IL21R: variants seen among roughly 807,000 people sequenced by gnomAD.
The protein encoded by IL21R is interleukin-21 receptor.
A neutral mutation model predicts 41.3 loss-of-function variants in IL21R; 14 were observed. The ratio of observed to expected loss-of-function variants is 0.34; its 90% CI spans 0.22 to 0.53. The LOEUF is 0.53. Among genes scored for constraint, IL21R ranks in the 20% least tolerant of loss-of-function variants. The pLI, the probability that IL21R is intolerant of heterozygous loss-of-function variation, is 0.94. For missense variants in IL21R, 588 were observed against 681.6 expected, an observed-to-expected ratio of 0.86 and a Z score of 1.53; for synonymous variants, 286 against 287.6, an observed-to-expected ratio of 0.99 and a Z score of 0.05.
intron 4 of IL21R, among the ~76,000 whole-genome samples, chr16:27,440,248 TAGAGAGAG>T (rs1217071764): frequency 3.3e-4 from 21 of 64,028 alleles, no homozygotes; most frequent in Non-Finnish European, 4.2e-4. Flanking sequence ...TATATATATA[TAGAGAGAG>T]AGAGAGAGAG....
intron 1 of IL21R, among the ~76,000 whole-genome samples, chr16:27,412,466 T>G (rs2141262288): frequency 1.3e-5 from 2 of 152,120 alleles, no homozygotes; most frequent in South Asian, 4.2e-4. Flanking sequence ...ATTTTGGCTA[T>G]TTAGGGTCCC....
intron 1 of IL21R, among the ~76,000 whole-genome samples, chr16:27,418,614 C>T (rs1416148523): frequency 6.6e-6 from 1 of 152,166 alleles, no homozygotes; most frequent in East Asian, 1.9e-4. Flanking sequence ...TCGTGATCTG[C>T]CCGCCTTGGC....
At chr16:27,435,908 G>A (rs2087261584) in intron 3 of IL21R, among the ~76,000 whole-genome samples, 1 of 152,108 alleles carries the variant, frequency 6.6e-6, no homozygotes, top group Non-Finnish European at 1.5e-5. Flanking sequence ...ATCTGGGATT[G>A]CATCCAGGTG....
At position 27,451,535 on chromosome 16, in the gene IL21R, C is replaced by A; in HGVS notation, c.*2252C>A. ...ACCAGCCTGGGCAACATAGCAAGGC[C>A]CCATCTCTACAAAAATTATTATTTT... is the stretch of plus-strand genomic sequence containing the variant. On this transcript the variant is annotated 3_prime_UTR_variant, in exon 9 of 9. Coordinates refer to ENST00000337929, the MANE Select transcript of IL21R (RefSeq NM_181078.3). 1 of 208,174 alleles carries A rather than the reference C, an allele frequency of 4.8e-6. No individual in the cohort carries two copies. The highest frequency in any genetic ancestry group is 9.8e-6 in the Non-Finnish European group (1 of 102,268). The allele number at this position is 208,174 out of a possible 1,614,324, so 12.9% of individuals were successfully genotyped here.
chr16:27,429,837 G>T (rs757471817), intron 1 of IL21R, among the ~76,000 whole-genome samples: 4 of 152,164 alleles, frequency 2.6e-5, no homozygotes, highest in Non-Finnish European at 5.9e-5. Flanking sequence ...ATGGGGCGGG[G>T]GCAGGAAGAA....
chr16:27,418,060 ATTT>A (rs1156980044), intron 1 of IL21R, among the ~76,000 whole-genome samples: 1 of 137,972 alleles, frequency 7.2e-6, no homozygotes, highest in African/African-American at 2.7e-5. Flanking sequence ...ATTTTATTTT[ATTT>A]TATTTATGTT....
chr16:27,438,742 C>T (rs986924223), intron 4 of IL21R, among the ~76,000 whole-genome samples: 12 of 151,812 alleles, frequency 7.9e-5, no homozygotes, highest in East Asian at 1.9e-4. Context: ...TGGTGGCACA[C>T]GCCCGTAATC....
intron 4 of IL21R, among the ~76,000 whole-genome samples, chr16:27,440,422 C>A (rs1337424337): frequency 2.0e-5 from 3 of 151,740 alleles, no homozygotes; most frequent in Non-Finnish European, 4.4e-5. Flanking sequence ...TACAGGTGCA[C>A]ATCACCATCC....
At chr16:27,419,817 TTATTATTA>T (rs1331485090) in intron 1 of IL21R, among the ~76,000 whole-genome samples, 4 of 6,308 alleles carry the variant, frequency 6.3e-4, no homozygotes, top group Non-Finnish European at 1.1e-3. Context: ...GTAACATAGT[TTATTATTA>T]TTATTATTAT....
chr16:27,437,601 T>C lies in IL21R; in HGVS notation c.266T>C (p.Met89Thr). ...TGCCACATGGATGTATTCCACTTCATGGCCGACGACATTTTCAGTGTCAAC... is the reference window on the plus strand; with the variant it reads ...TGCCACATGGATGTATTCCACTTCACGGCCGACGACATTTTCAGTGTCAAC... ...YTCHMDVFHF[M>T]ADDIFSVNIT... Residue 89 changes from methionine (M) to threonine (T), a missense_variant, in exon 4 of 9, where the codon ATG becomes ACG. Transcript: ENST00000337929. 6.2e-7 allele frequency: 1 copy of C among 1,614,220 alleles called. No individual in the cohort carries two copies. Among genetic ancestry groups the C allele is most frequent in the Non-Finnish European group, 8.5e-7 (1 of 1,180,022 alleles).
At chr16:27,422,196 T>C (rs1008088407) in intron 1 of IL21R, among the ~76,000 whole-genome samples, 3 of 152,158 alleles carry the variant, frequency 2.0e-5, no homozygotes, top group Non-Finnish European at 4.4e-5. Context: ...GTCTTTTTTT[T>C]CTGCATACTG....
intron 1 of IL21R, among the ~76,000 whole-genome samples, chr16:27,418,787 CTT>C (rs1374958142): frequency 1.3e-5 from 2 of 152,100 alleles, no homozygotes; most frequent in Admixed American, 6.5e-5. Context: ...TGTACTAACA[CTT>C]AAGACACAAA....
At chr16:27,407,174 G>A (rs2086760792) in intron 1 of IL21R, among the ~76,000 whole-genome samples, 1 of 152,060 alleles carries the variant, frequency 6.6e-6, no homozygotes, top group East Asian at 1.9e-4. Context: ...CTACTTATGG[G>A]GCACCTACAG....
At chr16:27,429,294 C>T (rs2087128257) in intron 1 of IL21R, among the ~76,000 whole-genome samples, 1 of 152,048 alleles carries the variant, frequency 6.6e-6, no homozygotes, top group African/African-American at 2.4e-5. Context: ...AAGGAAGATC[C>T]AAAATTGCTC....
At chr16:27,438,067 G>A (rs1349156145) in intron 4 of IL21R, among the ~76,000 whole-genome samples, 3 of 152,098 alleles carry the variant, frequency 2.0e-5, no homozygotes, top group Non-Finnish European at 4.4e-5. Flanking sequence ...TTTTACTAAA[G>A]TGTGAAAGGT....
At chr16:27,403,314 A>T (rs1257645810) in intron 1 of IL21R, 2 of 1,211,712 alleles carry the variant, frequency 1.7e-6, no homozygotes, top group African/African-American at 1.5e-5. Flanking sequence ...AAGGAAGAAC[A>T]TTCCTGGTGG....
intron 1 of IL21R, among the ~76,000 whole-genome samples, chr16:27,410,544 C>T (rs150179260): frequency 9.8e-5 from 15 of 152,340 alleles, no homozygotes; most frequent in African/African-American, 3.1e-4. Context: ...ACCCAGCCCA[C>T]TTCAACTGAC....
Position 27,449,712 on chromosome 16 carries a change from T to C in IL21R, c.*429T>C, listed in dbSNP as rs2087557094. 3 of 249,160 alleles carry C rather than the reference T, an allele frequency of 1.2e-5. No homozygotes were observed. The highest frequency in any genetic ancestry group is 1.0e-4 in the Admixed American group (2 of 19,730). The allele number at this position is 249,160 out of a possible 1,614,324, so 15.4% of individuals were successfully genotyped here. ...TTGGTCCACAGCATCTCCGGGGCTT[T>C]GTGGGATCAGGGCATTGCCTGTGAC... On this transcript the variant is annotated 3_prime_UTR_variant, in exon 9 of 9. Transcript: ENST00000337929.
chr16:27,429,575 C>A (rs2087133423), intron 1 of IL21R, among the ~76,000 whole-genome samples: 1 of 151,988 alleles, frequency 6.6e-6, no homozygotes. Context: ...AGTTTGAGAC[C>A]AGCCTGGGCA....
Sources: allele counts gnomAD v4.1 joint callset (sites outside exome capture counted in the v4.1 genomes callset), GRCh38; gene constraint gnomAD v4.1.1; transcripts MANE v1.5; gene names NCBI Gene and HGNC (gene_info 2026-07-23, HGNC 2026-07-21).